Variants in AGBL1 observed in about 807,000 individuals in gnomAD.
AGBL1 encodes AGBL carboxypeptidase 1.
Under a neutral mutation model 118.9 loss-of-function variants are expected in AGBL1, and 130 were observed. The ratio of observed to expected loss-of-function variants is 1.09; its 90% CI spans 0.95 to 1.26. The LOEUF (loss-of-function observed/expected upper bound fraction) is 1.26. Ranked by LOEUF, AGBL1 falls within the 50% of genes most tolerant of loss-of-function variation. The probability of loss-of-function intolerance (pLI) is 0.00; values close to 1 mark genes in which losing one functional copy is unlikely to be tolerated. For synonymous variants in AGBL1, 555 were observed against 478.9 expected, an observed-to-expected ratio of 1.16 and a Z score of -2.08; for missense variants, 1,584 against 1,298.1, an observed-to-expected ratio of 1.22 and a Z score of -3.38.
intron 22 of AGBL1, among the ~76,000 whole-genome samples, chr15:86,798,065 G>T (rs1355962634): frequency 6.6e-6 from 1 of 152,212 alleles, no homozygotes; most frequent in Non-Finnish European, 1.5e-5. Context: ...ACTTGGTACA[G>T]ATGTTGCAAT....
At chr15:86,953,688 G>C (rs1311637747) in intron 23 of AGBL1, among the ~76,000 whole-genome samples, 3 of 152,124 alleles carry the variant, frequency 2.0e-5, no homozygotes, top group African/African-American at 4.8e-5. Flanking sequence ...ACTGTGGCTG[G>C]ACAAGGGTTG....
intron 21 of AGBL1, among the ~76,000 whole-genome samples, chr15:86,571,807 G>C (rs773320812): frequency 6.6e-6 from 1 of 152,134 alleles, no homozygotes; most frequent in Non-Finnish European, 1.5e-5. Flanking sequence ...TGGGGGTCTC[G>C]TGGCCCAGCC....
intron 18 of AGBL1, among the ~76,000 whole-genome samples, chr15:86,462,811 C>T (rs974736763): frequency 3.3e-5 from 5 of 152,136 alleles, no homozygotes; most frequent in African/African-American, 1.2e-4. Flanking sequence ...ATATGCACCA[C>T]ATTTTCACAT....
At chr15:86,375,491 AT>A (rs1410277972) in intron 17 of AGBL1, among the ~76,000 whole-genome samples, 5 of 152,024 alleles carry the variant, frequency 3.3e-5, no homozygotes, top group Admixed American at 3.3e-4. Context: ...TCAAGATGAG[AT>A]TTGGGAGGGG....
At chr15:86,466,643 G>T (rs753604902) in intron 18 of AGBL1, among the ~76,000 whole-genome samples, 6 of 152,192 alleles carry the variant, frequency 3.9e-5, no homozygotes, top group Non-Finnish European at 8.8e-5. Context: ...TCTACCTTTG[G>T]TGTTTGCTGT....
rs74027119 is a variant in AGBL1 at position 86,818,539 on chromosome 15, A to G, written c.3159-88548A>G. On this transcript the variant is annotated intron_variant, in intron 22 of 22. Transcript: ENST00000614907. The stretch of plus-strand genomic sequence containing the variant: ...AACTGTGGTCCCTGGAAAATTGTCA[A>G]ATTGTTTTCCACAAAGCAGGTCCTG... Among the ~76,000 whole-genome samples the G allele has an allele frequency of 3.8e-3, 583 of 152,264 alleles. 7 individuals carry two copies. The highest frequency in any genetic ancestry group is 0.013 in the African/African-American group (542 of 41,560).
In AGBL1 at chr15:86,262,894, G is replaced by C; in HGVS notation, c.1086G>C (p.Glu362Asp). Residue 362 changes from glutamate to aspartate, a missense_variant and splice_region_variant, in exon 10 of 23, where the codon GAG becomes GAC. Physicochemically the swap from Glu to Asp is conservative, Grantham distance 45. Coordinates refer to ENST00000614907, the MANE Select transcript of AGBL1 (RefSeq NM_001386094.1). ...GTCTTGAGCTCTCCTATAGCTTTGAGGTAGGACATATGCTGTGGTTCTGAT... is the reference window on the plus strand; with the variant it reads ...GTCTTGAGCTCTCCTATAGCTTTGACGTAGGACATATGCTGTGGTTCTGAT... ...VMCLELSYSF[E>D]ELQSKLGDDL... The C allele has an allele frequency of 6.3e-7, 1 of 1,594,762 alleles. No homozygotes were observed.
intron 1 of AGBL1, among the ~76,000 whole-genome samples, chr15:86,111,869 A>G (rs922447732): frequency 1.3e-5 from 2 of 152,160 alleles, no homozygotes; most frequent in Admixed American, 1.3e-4. Flanking sequence ...ACCACTCCCT[A>G]TCTCTCTCAT....
rs1201697903 is a variant in AGBL1 at position 86,907,780 on chromosome 15, T to G, written c.*486T>G. Reference sequence around the variant, plus strand: ...ACCCCAGAACAAACCACTGAGACTCTGGGGATCCTGGCAGGGTCTTCAGGT... The same window carrying G: ...ACCCCAGAACAAACCACTGAGACTCGGGGGATCCTGGCAGGGTCTTCAGGT... On this transcript the variant is annotated 3_prime_UTR_variant, in exon 23 of 23. Coordinates refer to ENST00000614907, the MANE Select transcript of AGBL1 (RefSeq NM_001386094.1). The G allele has an allele frequency of 6.6e-6, 1 of 152,198 alleles. No individual in the cohort carries two copies. The highest frequency in any genetic ancestry group is 1.5e-5 in the Non-Finnish European group (1 of 68,040). The allele number at this position is 152,198 out of a possible 1,614,324, so 9.4% of individuals were successfully genotyped here. A position where few individuals can be genotyped will look rare whatever the true frequency, so the allele number is the denominator to read the frequency against.
chr15:86,422,280 G>T (rs534234668), intron 18 of AGBL1, among the ~76,000 whole-genome samples: 6 of 151,976 alleles, frequency 3.9e-5, no homozygotes, highest in East Asian at 1.9e-4. Context: ...ATTAGATCTC[G>T]GGATTAAGAA....
chr15:86,631,236 C>G (rs763819942), intron 21 of AGBL1: 2 of 152,170 alleles, frequency 1.3e-5, no homozygotes, highest in Non-Finnish European at 2.9e-5. Flanking sequence ...TTTCAAGTCC[C>G]TGGGAGAATC....
intron 22 of AGBL1, among the ~76,000 whole-genome samples, chr15:86,875,070 A>T (rs1306750920): frequency 1.3e-5 from 2 of 152,330 alleles, no homozygotes; most frequent in African/African-American, 4.8e-5. Context: ...GAGCTAAAAA[A>T]TACAGAACAG....
In AGBL1 at chr15:86,613,885, A is replaced by C. The variant is rs2084689035; in HGVS notation, c.2994+59348A>C. ...TGTTTGAGAAGTCCTGAGTGAAAAGACCAATCTCTAGGGATGTTATTCAAA... is the reference window on the plus strand; with the variant it reads ...TGTTTGAGAAGTCCTGAGTGAAAAGCCCAATCTCTAGGGATGTTATTCAAA... On this transcript the variant is annotated intron_variant, in intron 21 of 22. Coordinates refer to ENST00000614907, the MANE Select transcript of AGBL1 (RefSeq NM_001386094.1). The surrounding 1 kb of genome is among the most constrained non-coding windows in gnomAD (Gnocchi z 4.2). Among the ~76,000 whole-genome samples the C allele has an allele frequency of 1.3e-5, 2 of 152,208 alleles. No homozygotes were observed. Among genetic ancestry groups the C allele is most frequent in the South Asian group, 4.1e-4 (2 of 4,834 alleles).
chr15:86,457,851 A>G (rs2082279908), intron 18 of AGBL1, among the ~76,000 whole-genome samples: 1 of 152,182 alleles, frequency 6.6e-6, no homozygotes, highest in South Asian at 2.1e-4. Context: ...GTTGCTTCTC[A>G]TAATTCCTCT....
intron 21 of AGBL1, among the ~76,000 whole-genome samples, chr15:86,590,157 G>C (rs1445702089): frequency 6.6e-6 from 1 of 152,116 alleles, no homozygotes; most frequent in East Asian, 1.9e-4. Context: ...CTCGGACAAT[G>C]GCCAAAAATA....
chr15:86,523,645 T>A (rs2142202763), intron 19 of AGBL1, among the ~76,000 whole-genome samples: 1 of 152,288 alleles, frequency 6.6e-6, no homozygotes, highest in Non-Finnish European at 1.5e-5. Flanking sequence ...AAAGAAAATG[T>A]ATATACCTAT....
intron 21 of AGBL1, among the ~76,000 whole-genome samples, chr15:86,607,781 A>C (rs1417188125): frequency 6.6e-6 from 1 of 152,066 alleles, no homozygotes; most frequent in Non-Finnish European, 1.5e-5. Context: ...GTTGAGTTTT[A>C]AGATGTGCTT....
intron 23 of AGBL1, chr15:86,938,826 C>T (rs2080710827): frequency 6.6e-6 from 1 of 152,182 alleles, no homozygotes; most frequent in South Asian, 2.1e-4. Context: ...AAGGAGAAGA[C>T]TGAATTTATT....
intron 1 of AGBL1, among the ~76,000 whole-genome samples, chr15:86,083,979 G>T (rs535403061): frequency 1.3e-5 from 2 of 152,246 alleles, no homozygotes; most frequent in South Asian, 4.1e-4. Flanking sequence ...ACTTTCCAAG[G>T]TTCCCTAGGA....
Sources: gnomAD v4.1 joint callset for allele counts (sites outside exome capture counted in the v4.1 genomes callset) on GRCh38, gnomAD v4.1.1 for gene constraint, Gnocchi (gnomAD v3.1) non-coding constraint, MANE v1.5 for transcripts, NCBI Gene and HGNC (gene_info 2026-07-23, HGNC 2026-07-21) for gene names.